PTPRQ: variants seen among roughly 807,000 people sequenced by gnomAD.
PTPRQ encodes the protein phosphatidylinositol phosphatase PTPRQ.
Under a neutral mutation model 246.0 loss-of-function variants are expected in PTPRQ, and 199 were observed. The ratio of observed to expected loss-of-function variants is 0.81; its 90% CI spans 0.72 to 0.91. The LOEUF (loss-of-function observed/expected upper bound fraction) is 0.91. Among genes scored for constraint, PTPRQ ranks in the 40% least tolerant of loss-of-function variants. The pLI, the probability that PTPRQ is intolerant of heterozygous loss-of-function variation, is 0.00. For missense variants in PTPRQ, 2,624 were observed against 2,528.4 expected (o/e 1.04, Z -0.81); for synonymous variants, 869 against 853.2 (o/e 1.02, Z -0.32).
In PTPRQ at chr12:80,495,007, T is replaced by C. The variant is rs867361581; in HGVS notation, c.1615T>C (p.Phe539Leu). The change falls in exon 11 of 45, where the codon TTC becomes CTC. Residue 539 changes from phenylalanine (F) to leucine (L), a missense_variant. Physicochemically the swap from Phe to Leu is conservative, Grantham distance 22 (BLOSUM62 0). Coordinates refer to ENST00000644991, the MANE Select transcript of PTPRQ (RefSeq NM_001145026.2). ...LSYVIRRLVP[F>L]TEHMISVSAF... ...TTATGTTATCAGGAGACTTGTACCT[T>C]TCACTGAGCACATGATTAGTGTATC... 2 of 1,550,502 alleles carry C rather than the reference T, an allele frequency of 1.3e-6. No individual in the cohort carries two copies. Among genetic ancestry groups the C allele is most frequent in the Non-Finnish European group, 8.7e-7 (1 of 1,146,212 alleles).
chr12:80,668,225 C>G (rs1313333463), intron 39 of PTPRQ, among the ~76,000 whole-genome samples: 1 of 151,790 alleles, frequency 6.6e-6, no homozygotes, highest in African/African-American at 2.4e-5. Flanking sequence ...ATACTGTTCA[C>G]AATTATATAA....
intron 25 of PTPRQ, among the ~76,000 whole-genome samples, chr12:80,554,292 T>G (rs10862169): frequency 6.6e-6 from 1 of 151,996 alleles, no homozygotes; most frequent in Non-Finnish European, 1.5e-5. Context: ...ATTATTATAC[T>G]TTGCATTCCT....
intron 14 of PTPRQ, among the ~76,000 whole-genome samples, chr12:80,498,093 C>G (rs1270572442): frequency 6.6e-6 from 1 of 151,834 alleles, no homozygotes; most frequent in Non-Finnish European, 1.5e-5. Flanking sequence ...TTATCAAGAG[C>G]CTTGAAGTGA....
At chr12:80,640,025 CGTGTGT>C (rs149812346) in intron 35 of PTPRQ, among the ~76,000 whole-genome samples, 2,237 of 142,990 alleles carry the variant, frequency 0.016, 56 homozygotes, top group African/African-American at 0.052. Flanking sequence ...TGAAGATACA[CGTGTGT>C]GTGTGTGTGT....
At chr12:80,655,419 G>A (rs1400000632) in intron 38 of PTPRQ, among the ~76,000 whole-genome samples, 1 of 152,090 alleles carries the variant, frequency 6.6e-6, no homozygotes, top group Non-Finnish European at 1.5e-5. Flanking sequence ...CCTTTTAAGA[G>A]CTGCTAACTT....
At chr12:80,622,499 T>C (rs1429560936) in intron 33 of PTPRQ, among the ~76,000 whole-genome samples, 1 of 151,950 alleles carries the variant, frequency 6.6e-6, no homozygotes, top group Non-Finnish European at 1.5e-5. Flanking sequence ...GGGCAAAGAT[T>C]AGGAATGCTG....
chr12:80,466,322 G>C (rs1420041158), intron 6 of PTPRQ, among the ~76,000 whole-genome samples: 1 of 152,094 alleles, frequency 6.6e-6, no homozygotes, highest in Non-Finnish European at 1.5e-5. Context: ...CCTCTTCAAG[G>C]AGAAGTACAA....
chr12:80,595,398 A>G (rs1897936443), intron 26 of PTPRQ, among the ~76,000 whole-genome samples: 1 of 152,052 alleles, frequency 6.6e-6, no homozygotes, highest in Non-Finnish European at 1.5e-5. Context: ...ACAGTGTCAA[A>G]ATTCTCCATA....
chr12:80,628,885 A>C (rs1357587368), intron 33 of PTPRQ, among the ~76,000 whole-genome samples: 1 of 152,048 alleles, frequency 6.6e-6, no homozygotes, highest in African/African-American at 2.4e-5. Flanking sequence ...TTTCAATTTT[A>C]AATAGTGTGC....
chr12:80,565,970 G>A (rs567313970), intron 25 of PTPRQ, among the ~76,000 whole-genome samples: 1 of 152,036 alleles, frequency 6.6e-6, no homozygotes, highest in Admixed American at 6.6e-5. Flanking sequence ...GGTAAAAGTA[G>A]CATTTTTTAG....
intron 39 of PTPRQ, among the ~76,000 whole-genome samples, chr12:80,661,466 G>A (rs1900629292): frequency 1.3e-5 from 2 of 150,736 alleles, no homozygotes; most frequent in African/African-American, 4.9e-5. Context: ...AGAATATGGT[G>A]ATATATTTTT....
At chr12:80,515,789 G>T (rs1895277596) in intron 17 of PTPRQ, among the ~76,000 whole-genome samples, 1 of 140,552 alleles carries the variant, frequency 7.1e-6, no homozygotes, top group Non-Finnish European at 1.5e-5. Flanking sequence ...GGCTGCCTAT[G>T]ACATTTATTA....
chr12:80,460,834 T>C lies in PTPRQ; in HGVS notation c.842T>C (p.Phe281Ser), dbSNP rs377478735. The change falls in exon 6 of 45, where the codon TTT becomes TCT. Residue 281 changes from phenylalanine to serine, a missense_variant. By Grantham distance (155) the Phe-to-Ser change is radical. Transcript: ENST00000644991. Reference protein sequence around the residue: ...THLRPYTTYLFEVSAATTEAG... With the variant: ...THLRPYTTYLSEVSAATTEAG... The stretch of plus-strand genomic sequence containing the variant: ...TTGAGACCTTATACAACATATCTTT[T>C]TGAAGTTTCAGCTGCTACAACTGAA... 170 of 400,710 alleles carry C rather than the reference T, an allele frequency of 4.2e-4. No homozygotes were observed. Among genetic ancestry groups the C allele is most frequent in the Middle Eastern group, 9.4e-4 (3 of 3,204 alleles). The allele number at this position is 400,710 out of a possible 1,614,324, so 24.8% of individuals were successfully genotyped here.
chr12:80,534,816 T>G, intron 18 of PTPRQ, 76 bp from the exon 19 acceptor site: 1 of 1,450,720 alleles, frequency 6.9e-7, no homozygotes, highest in Non-Finnish European at 9.1e-7. Context: ...TTATAAACTG[T>G]AGGTAAAATT....
chr12:80,677,745 G>T (rs1273600919), intron 43 of PTPRQ, among the ~76,000 whole-genome samples: 1 of 152,168 alleles, frequency 6.6e-6, no homozygotes, highest in African/African-American at 2.4e-5. Context: ...AGTAGCAATA[G>T]ATACGAATAT....
At chr12:80,468,973 T>C in intron 7 of PTPRQ, 135 bp downstream of exon 7, 1 of 1,253,384 alleles carries the variant, frequency 8.0e-7, no homozygotes, top group Non-Finnish European at 1.1e-6. Context: ...AGGAAAGTCA[T>C]AAGGAAGGGG....
intron 26 of PTPRQ, among the ~76,000 whole-genome samples, chr12:80,600,226 T>C (rs965105305): frequency 1.3e-5 from 2 of 151,814 alleles, no homozygotes; most frequent in Non-Finnish European, 2.9e-5. Flanking sequence ...ATTATATGTG[T>C]TGTCATGAAT....
chr12:80,642,944 A>C (rs944365751), intron 35 of PTPRQ, among the ~76,000 whole-genome samples: 5 of 150,228 alleles, frequency 3.3e-5, no homozygotes, highest in Admixed American at 2.0e-4. Context: ...AAAAAAAAAA[A>C]AACAATTGAG....
chr12:80,493,577 T>C lies in PTPRQ; in HGVS notation c.1540+122T>C, dbSNP rs181887691. 10 of 1,345,338 alleles carry C rather than the reference T, an allele frequency of 7.4e-6. No homozygotes were observed. The South Asian group carries it at 7.5e-5, about 10-fold the overall frequency. 83.3% of individuals were successfully genotyped at this position (1,345,338 alleles called of 1,614,324 possible). A position where few individuals can be genotyped will look rare whatever the true frequency, so the allele number is the denominator to read the frequency against. ...ATGGTCTTTGGGCTGGAGTCGGATTTTTTTTTAGCTGTCGGAAAACCTCAT... is the reference window on the plus strand; with the variant it reads ...ATGGTCTTTGGGCTGGAGTCGGATTCTTTTTTAGCTGTCGGAAAACCTCAT... On this transcript the variant is annotated intron_variant, in intron 10 of 44. Transcript: ENST00000644991.
Sources: allele counts gnomAD v4.1 joint callset (sites outside exome capture counted in the v4.1 genomes callset), GRCh38; gene constraint gnomAD v4.1.1; transcripts MANE v1.5; gene names NCBI Gene and HGNC (gene_info 2026-07-23, HGNC 2026-07-21).